The following SLC30A9 variants were observed in gnomAD, a reference collection of about 807,000 sequenced individuals.
SLC30A9 encodes solute carrier family 30 member 9.
In SLC30A9, 58 loss-of-function variants were observed where a neutral mutation model predicts 87.5. The ratio of observed to expected loss-of-function variants is 0.66; its 90% confidence interval spans 0.54 to 0.82. The LOEUF (loss-of-function observed/expected upper bound fraction) is 0.82, where lower values mean the gene tolerates loss of function less well. Among genes scored for constraint, SLC30A9 ranks in the 40% least tolerant of loss-of-function variants. The probability of loss-of-function intolerance (pLI) is 0.00; values close to 1 mark genes in which losing one functional copy is unlikely to be tolerated. For synonymous variants in SLC30A9, 234 were observed against 233.0 expected (o/e 1.00, Z -0.04); for missense variants, 557 against 679.1 (o/e 0.82, Z 2.00).
chr4:42,069,605 A>G (rs1468113429), intron 14 of SLC30A9, among the ~76,000 whole-genome samples: 1 of 152,188 alleles, frequency 6.6e-6, no homozygotes, highest in Non-Finnish European at 1.5e-5. Flanking sequence ...AAGCATTAAG[A>G]AGAGTTAAAT....
rs139937866 is a variant in SLC30A9 at position 42,040,457 on chromosome 4, AG to A, written c.737+1405del. ...TATAGATGATAACTAAAGCCATAAA[AG>A]TAAAGATCACCTGAGGAATGTATGT... On this transcript the variant is annotated intron_variant, in intron 8 of 17. Coordinates refer to ENST00000264451, the MANE Select transcript of SLC30A9 (RefSeq NM_006345.4). Among the ~76,000 whole-genome samples, 964 of 152,282 alleles carry A rather than the reference AG, an allele frequency of 6.3e-3. 15 individuals carry two copies. The highest frequency in any genetic ancestry group is 0.022 in the African/African-American group (927 of 41,550).
At chr4:42,042,023 C>G (rs993259780) in intron 8 of SLC30A9, among the ~76,000 whole-genome samples, 2 of 152,176 alleles carry the variant, frequency 1.3e-5, no homozygotes, top group African/African-American at 4.8e-5. Context: ...CGGTGCATTC[C>G]AGCCCAGATA....
intron 2 of SLC30A9, among the ~76,000 whole-genome samples, chr4:42,013,525 T>G (rs948110409): frequency 3.3e-5 from 5 of 152,132 alleles, no homozygotes; most frequent in African/African-American, 1.2e-4. Flanking sequence ...TTTATGCTGT[T>G]TTACTGTTAT....
In SLC30A9 at chr4:42,075,671, T is replaced by C; in HGVS notation, c.1433T>C (p.Val478Ala). Residue 478 changes from valine (V) to alanine (A), a missense_variant, in exon 16 of 18, where the codon GTT (valine) becomes GCT (alanine). Coordinates refer to ENST00000264451, the MANE Select transcript of SLC30A9 (RefSeq NM_006345.4). ...NDPSVRAIHDVKATDLGLGKV... is the reference protein window; with the variant it reads ...NDPSVRAIHDAKATDLGLGKV... Reference sequence around the variant, plus strand: ...ATTGATTGCAGGGCAATTCATGATGTTAAAGCCACAGATCTGGGATTAGGT... The same window carrying C: ...ATTGATTGCAGGGCAATTCATGATGCTAAAGCCACAGATCTGGGATTAGGT... 6.2e-7 allele frequency: 1 copy of C among 1,613,570 alleles called. No individual in the cohort carries two copies. The highest frequency in any genetic ancestry group is 8.5e-7 in the Non-Finnish European group (1 of 1,179,724).
At chr4:42,014,708 G>C (rs1485727930) in intron 2 of SLC30A9, among the ~76,000 whole-genome samples, 1 of 152,188 alleles carries the variant, frequency 6.6e-6, no homozygotes, top group Non-Finnish European at 1.5e-5. Flanking sequence ...ATATACAATG[G>C]AGTATTATTT....
intron 1 of SLC30A9, among the ~76,000 whole-genome samples, chr4:41,999,251 G>A (rs1483044936): frequency 3.3e-5 from 5 of 152,172 alleles, no homozygotes; most frequent in African/African-American, 1.2e-4. Flanking sequence ...AGGGAAAGAA[G>A]CATTTAGTCT....
intron 17 of SLC30A9, among the ~76,000 whole-genome samples, chr4:42,079,457 C>A (rs981972026): frequency 2.0e-5 from 3 of 151,898 alleles, no homozygotes; most frequent in African/African-American, 7.3e-5. Context: ...CCATGCCCAG[C>A]TAATTTTTGT....
At chr4:42,019,126 C>G (rs953223253) in intron 3 of SLC30A9, among the ~76,000 whole-genome samples, 2 of 151,384 alleles carry the variant, frequency 1.3e-5, no homozygotes, top group African/African-American at 4.9e-5. Context: ...ATCTTTTTAC[C>G]CACTGTAGTG....
chr4:42,024,423 C>G (rs1716101842), intron 6 of SLC30A9, among the ~76,000 whole-genome samples: 1 of 152,152 alleles, frequency 6.6e-6, no homozygotes, highest in Admixed American at 6.5e-5. Flanking sequence ...AGAAATCTAC[C>G]TCATTCTTTT....
chr4:42,060,581 G>A (rs1717804452), intron 10 of SLC30A9, among the ~76,000 whole-genome samples: 1 of 152,076 alleles, frequency 6.6e-6, no homozygotes, highest in Non-Finnish European at 1.5e-5. Context: ...AGACTCATAG[G>A]CTGCCCAATC....
chr4:41,993,506 A>T (rs1191038358), intron 1 of SLC30A9, among the ~76,000 whole-genome samples: 1 of 152,216 alleles, frequency 6.6e-6, no homozygotes, highest in Non-Finnish European at 1.5e-5. Flanking sequence ...AGTGGCCAAT[A>T]AAAATGCAAA....
At chr4:42,043,428 A>G (rs1004783495) in intron 8 of SLC30A9, among the ~76,000 whole-genome samples, 1 of 152,186 alleles carries the variant, frequency 6.6e-6, no homozygotes, top group African/African-American at 2.4e-5. Flanking sequence ...AAGCATACAC[A>G]AGTATCAATA....
intron 9 of SLC30A9, among the ~76,000 whole-genome samples, chr4:42,058,065 G>A (rs571388171): frequency 6.9e-6 from 1 of 143,914 alleles, no homozygotes. Flanking sequence ...TCGTGCCACT[G>A]CATTCCAGCC....
chr4:42,061,381 C>T (rs1213463170), intron 10 of SLC30A9, among the ~76,000 whole-genome samples: 1 of 152,134 alleles, frequency 6.6e-6, no homozygotes, highest in Non-Finnish European at 1.5e-5. Flanking sequence ...CCTACATAAT[C>T]AAAATTTTCA....
At chr4:41,992,192 G>C (rs756414691) in intron 1 of SLC30A9, among the ~76,000 whole-genome samples, 1 of 151,886 alleles carries the variant, frequency 6.6e-6, no homozygotes, top group South Asian at 2.1e-4. Flanking sequence ...CAAAAAATTA[G>C]CCTGGTTTGG....
chr4:42,049,610 T>A, intron 9 of SLC30A9, 131 bp downstream of exon 9: 1 of 469,872 alleles, frequency 2.1e-6, no homozygotes, highest in East Asian at 3.3e-5. Context: ...AGTTTACTTT[T>A]CAGCAATGAA....
chr4:42,057,241 G>C (rs1436306881), intron 9 of SLC30A9, among the ~76,000 whole-genome samples: 1 of 152,148 alleles, frequency 6.6e-6, no homozygotes, highest in Non-Finnish European at 1.5e-5. Context: ...TTTTCTGTGT[G>C]GGGGCTCCCA....
At chr4:42,036,368 A>G (rs1426398253) in intron 7 of SLC30A9, among the ~76,000 whole-genome samples, 1 of 152,146 alleles carries the variant, frequency 6.6e-6, no homozygotes, top group African/African-American at 2.4e-5. Context: ...GGAAATTAAT[A>G]TTGGGACACA....
intron 6 of SLC30A9, among the ~76,000 whole-genome samples, chr4:42,027,697 A>G (rs1716254822): frequency 6.6e-6 from 1 of 152,224 alleles, no homozygotes; most frequent in Non-Finnish European, 1.5e-5. Context: ...GAGTGTAACA[A>G]TCAGAAAAAC....
Sources: gnomAD v4.1 joint callset for allele counts (sites outside exome capture counted in the v4.1 genomes callset) on GRCh38, gnomAD v4.1.1 for gene constraint, MANE v1.5 for transcripts, NCBI Gene and HGNC (gene_info 2026-07-23, HGNC 2026-07-21) for gene names.